The following ST6GAL1 variants were observed in gnomAD, a reference collection of about 807,000 sequenced individuals.
ST6GAL1 encodes the protein beta-galactoside alpha-2,6-sialyltransferase 1.
Under a neutral mutation model 38.0 loss-of-function variants are expected in ST6GAL1, and 20 were observed. The ratio of observed to expected loss-of-function variants is 0.53; its 90% confidence interval spans 0.37 to 0.77. The LOEUF is 0.77. ST6GAL1 is among the 30% of genes least tolerant of loss of function. ST6GAL1 has a pLI of 0.00. For synonymous variants in ST6GAL1, 196 were observed against 188.2 expected, an observed-to-expected ratio of 1.04 and a Z score of -0.34; for missense variants, 432 against 496.4, an observed-to-expected ratio of 0.87 and a Z score of 1.23.
intron 2 of ST6GAL1, among the ~76,000 whole-genome samples, chr3:187,027,813 T>C (rs1717599543): frequency 6.6e-6 from 1 of 152,062 alleles, no homozygotes. Flanking sequence ...GTCTAGGGCA[T>C]TTCTGTGCAT....
intron 4 of ST6GAL1, among the ~76,000 whole-genome samples, chr3:187,044,868 A>G (rs1718243074): frequency 6.6e-6 from 1 of 152,254 alleles, no homozygotes; most frequent in South Asian, 2.1e-4. Context: ...AAGGATTTCC[A>G]CAGAAGGACT....
chr3:187,016,234 C>T (rs1370094221), intron 2 of ST6GAL1, among the ~76,000 whole-genome samples: 7 of 152,208 alleles, frequency 4.6e-5, no homozygotes, highest in Admixed American at 1.3e-4. Flanking sequence ...CACAAGCCCC[C>T]GCGGTGGATG....
intron 5 of ST6GAL1, among the ~76,000 whole-genome samples, chr3:187,062,606 A>AC (rs1553835854): frequency 8.0e-5 from 12 of 150,894 alleles, no homozygotes; most frequent in East Asian, 1.9e-4. Flanking sequence ...ACACACACAC[A>AC]AAATACTATA....
intron 3 of ST6GAL1, among the ~76,000 whole-genome samples, chr3:187,040,013 G>A (rs1245525219): frequency 6.6e-6 from 1 of 152,210 alleles, no homozygotes; most frequent in African/African-American, 2.4e-5. Flanking sequence ...TAGGTACTGG[G>A]CAGCTGCTGC....
intron 2 of ST6GAL1, among the ~76,000 whole-genome samples, chr3:187,013,653 C>G (rs184619826): frequency 6.6e-6 from 1 of 152,336 alleles, no homozygotes; most frequent in East Asian, 1.9e-4. Context: ...GATGCAATCT[C>G]AGCTCACTGC....
chr3:186,957,891 T>C (rs1380062839), intron 1 of ST6GAL1, among the ~76,000 whole-genome samples: 4 of 152,150 alleles, frequency 2.6e-5, no homozygotes, highest in Admixed American at 2.6e-4. Context: ...AATGATTTTA[T>C]CTCCCACACA....
intron 1 of ST6GAL1, among the ~76,000 whole-genome samples, chr3:186,953,587 G>C (rs1024986867): frequency 2.6e-5 from 4 of 152,146 alleles, no homozygotes; most frequent in Non-Finnish European, 5.9e-5. Context: ...GGCCATCTGA[G>C]TTACTACCCT....
At chr3:186,986,907 GAA>G (rs1715943107) in intron 2 of ST6GAL1, among the ~76,000 whole-genome samples, 1 of 151,960 alleles carries the variant, frequency 6.6e-6, no homozygotes, top group South Asian at 2.1e-4. Context: ...AGTGTCAGGA[GAA>G]AAAGAAAAAC....
chr3:187,005,716 C>T (rs1297166625), intron 2 of ST6GAL1, among the ~76,000 whole-genome samples: 1 of 152,104 alleles, frequency 6.6e-6, no homozygotes, highest in African/African-American at 2.4e-5. Flanking sequence ...GCCCAAATTG[C>T]TTTTGAGATC....
intron 2 of ST6GAL1, among the ~76,000 whole-genome samples, chr3:187,023,065 G>T (rs1054487901): frequency 1.3e-5 from 2 of 152,168 alleles, no homozygotes; most frequent in Non-Finnish European, 2.9e-5. Context: ...CCTCCTTTCT[G>T]TCATGGCTGG....
intron 5 of ST6GAL1, among the ~76,000 whole-genome samples, chr3:187,053,209 G>C (rs1232227971): frequency 2.6e-5 from 4 of 152,178 alleles, no homozygotes; most frequent in Non-Finnish European, 2.9e-5. Context: ...CCCTTTGTCA[G>C]ATGGATAGGT....
chr3:186,968,240 G>A (rs1560145310), intron 2 of ST6GAL1, among the ~76,000 whole-genome samples: 1 of 152,164 alleles, frequency 6.6e-6, no homozygotes, highest in Non-Finnish European at 1.5e-5. Context: ...TTCATCATCT[G>A]TAAAATGGGC....
intron 2 of ST6GAL1, among the ~76,000 whole-genome samples, chr3:186,993,480 C>T (rs1270007658): frequency 6.6e-6 from 1 of 152,236 alleles, no homozygotes; most frequent in Non-Finnish European, 1.5e-5. Flanking sequence ...AACAGAGGTG[C>T]AGATTTGCAG....
At chr3:187,008,527 A>G (rs1716857407) in intron 2 of ST6GAL1, among the ~76,000 whole-genome samples, 1 of 152,192 alleles carries the variant, frequency 6.6e-6, no homozygotes, top group Admixed American at 6.5e-5. Context: ...ATCCAGAAAA[A>G]ATATTCTTTG....
chr3:186,997,790 GA>G (rs1716469791), intron 2 of ST6GAL1, among the ~76,000 whole-genome samples: 1 of 151,026 alleles, frequency 6.6e-6, no homozygotes, highest in Non-Finnish European at 1.5e-5. Flanking sequence ...AGACAGTGCT[GA>G]CCATATTGAG....
intron 2 of ST6GAL1, among the ~76,000 whole-genome samples, chr3:186,971,261 T>A (rs1049849030): frequency 6.6e-6 from 1 of 152,224 alleles, no homozygotes; most frequent in Non-Finnish European, 1.5e-5. Flanking sequence ...GCTAATTTTT[T>A]TGTATCTTTA....
chr3:186,937,699 G>A (rs1383599716), intron 1 of ST6GAL1, among the ~76,000 whole-genome samples: 3 of 152,162 alleles, frequency 2.0e-5, no homozygotes, highest in African/African-American at 4.8e-5. Context: ...GGAGCAGTGG[G>A]AATGGCCTCC....
chr3:187,033,691 G>A (rs1321637994), intron 2 of ST6GAL1, among the ~76,000 whole-genome samples: 2 of 151,970 alleles, frequency 1.3e-5, no homozygotes, highest in East Asian at 3.8e-4. Flanking sequence ...TTTCCTTATT[G>A]CTGGATGCTT....
intron 4 of ST6GAL1, among the ~76,000 whole-genome samples, chr3:187,045,912 G>A (rs73888345): frequency 6.6e-6 from 1 of 152,184 alleles, no homozygotes; most frequent in Non-Finnish European, 1.5e-5. Flanking sequence ...TGGACGGCAT[G>A]TGGGTCCTTG....
Sources: gnomAD v4.1 joint callset for allele counts (sites outside exome capture counted in the v4.1 genomes callset) on GRCh38, gnomAD v4.1.1 for gene constraint, MANE v1.5 for transcripts, NCBI Gene and HGNC (gene_info 2026-07-23, HGNC 2026-07-21) for gene names.